The following ME3 variants were observed in gnomAD, a reference collection of about 807,000 sequenced individuals.
ME3 encodes malic enzyme 3.
ME3 carries 48 observed loss-of-function variants against 68.9 expected under a neutral mutation model. The ratio of observed to expected loss-of-function variants is 0.70; its 90% CI spans 0.55 to 0.89. The LOEUF (loss-of-function observed/expected upper bound fraction) is 0.89. ME3 is among the 40% of genes least tolerant of loss of function. ME3 has a pLI of 0.00. For missense variants in ME3, 675 were observed against 797.4 expected, an observed-to-expected ratio of 0.85 and a Z score of 1.85; for synonymous variants, 320 against 318.8, an observed-to-expected ratio of 1.00 and a Z score of -0.04.
chr11:86,583,732 GA>G lies in ME3; in HGVS notation c.184-23910del, dbSNP rs1456476078. ...AAATGAGATATGACAGATAAATAAA[GA>G]GTTAATTGTCTTCAACAATGGTATT... On this transcript the variant is annotated intron_variant, in intron 2 of 14. Transcript: ENST00000543262. Among the ~76,000 whole-genome samples, 4 of 152,238 alleles carry G rather than the reference GA, an allele frequency of 2.6e-5. No homozygotes were observed. In the East Asian group the frequency reaches 5.8e-4, roughly 22 times the overall value.
chr11:86,516,353 C>T (rs1176971906), intron 4 of ME3, among the ~76,000 whole-genome samples: 3 of 115,394 alleles, frequency 2.6e-5, no homozygotes, highest in Non-Finnish European at 2.0e-5. Context: ...TAAATAAAAT[C>T]TCTCTCTCTC....
intron 2 of ME3, among the ~76,000 whole-genome samples, chr11:86,644,697 C>T (rs1944887154): frequency 6.6e-6 from 1 of 152,126 alleles, no homozygotes; most frequent in African/African-American, 2.4e-5. Context: ...CTGTAGATTC[C>T]CTGTTATTCT....
intron 7 of ME3, among the ~76,000 whole-genome samples, chr11:86,469,755 C>A (rs1163869203): frequency 6.6e-6 from 1 of 152,184 alleles, no homozygotes. Context: ...ACCCTGGGGA[C>A]TCAGCTGGGA....
chr11:86,512,205 TA>T (rs1953580446), intron 4 of ME3, among the ~76,000 whole-genome samples: 1 of 152,248 alleles, frequency 6.6e-6, no homozygotes, highest in South Asian at 2.1e-4. Context: ...TCCTTCTGCC[TA>T]ATACGCATGC....
intron 7 of ME3, among the ~76,000 whole-genome samples, chr11:86,475,874 T>TATATATATATATATAGAGAGAGAGAG: frequency 7.7e-5 from 7 of 91,464 alleles, no homozygotes; most frequent in African/African-American, 3.0e-4. Context: ...TATATATATA[T>TATATATATATATATAGAGAGAGAGAG]AGAGAGAGAG....
chr11:86,560,025 T>C (rs189716801), intron 2 of ME3, among the ~76,000 whole-genome samples: 16 of 152,206 alleles, frequency 1.1e-4, no homozygotes, highest in Admixed American at 2.6e-4. Context: ...AGCTTCCTCA[T>C]TGGAAAAAAT....
chr11:86,658,359 G>C (rs923280770), intron 2 of ME3, among the ~76,000 whole-genome samples: 3 of 151,994 alleles, frequency 2.0e-5, no homozygotes, highest in African/African-American at 7.3e-5. Flanking sequence ...CTGAGGTCAA[G>C]TGATCCACCT....
chr11:86,498,233 T>C, intron 5 of ME3, 109 bp from the exon 6 acceptor site: 1 of 1,329,604 alleles, frequency 7.5e-7, no homozygotes, highest in Admixed American at 2.3e-5. Context: ...CCACTGACTT[T>C]GCCGGTGTGA....
In ME3 at chr11:86,446,061, T is replaced by G. The variant is rs551692178; in HGVS notation, c.1554+253A>C. Among the ~76,000 whole-genome samples the G allele has an allele frequency of 2.0e-5, 3 of 152,232 alleles. No homozygotes were observed. The East Asian group carries it at 5.8e-4, about 29-fold the overall frequency. ...GACGCAGGGGGCAGTATGAGGCATG[T>G]CTCCTCCTCTGTCAGTGCCTCTTGC... On this transcript the variant is annotated intron_variant, in intron 13 of 14. Transcript: ENST00000543262.
chr11:86,443,059 G>A, intron 13 of ME3, 140 bp from the exon 14 acceptor site: 1 of 617,734 alleles, frequency 1.6e-6, no homozygotes, highest in Non-Finnish European at 2.8e-6. Flanking sequence ...TCTGTTACCA[G>A]GGAAGCTTAA....
At chr11:86,523,474 G>C (rs1469685325) in intron 4 of ME3, among the ~76,000 whole-genome samples, 2 of 152,130 alleles carry the variant, frequency 1.3e-5, no homozygotes, top group African/African-American at 4.8e-5. Context: ...TATTAACACA[G>C]AGAAAAACTG....
chr11:86,490,370 G>A (rs565244568), intron 6 of ME3, among the ~76,000 whole-genome samples: 3 of 152,234 alleles, frequency 2.0e-5, no homozygotes, highest in South Asian at 2.1e-4. Flanking sequence ...GGGTGTGTGC[G>A]TGTGTGTGTC....
intron 4 of ME3, among the ~76,000 whole-genome samples, chr11:86,543,674 A>G (rs141658994): frequency 0.044 from 6,655 of 152,298 alleles, 149 homozygotes; most frequent in South Asian, 0.099. Context: ...ACAGACCTAC[A>G]AAGAGACTTA....
intron 4 of ME3, among the ~76,000 whole-genome samples, chr11:86,544,683 A>C (rs896933177): frequency 6.6e-6 from 1 of 152,162 alleles, no homozygotes; most frequent in Admixed American, 6.5e-5. Flanking sequence ...ACCAACCAAA[A>C]ACAGCCCAGG....
At chr11:86,597,847 A>G (rs533335564) in intron 2 of ME3, among the ~76,000 whole-genome samples, 12 of 152,200 alleles carry the variant, frequency 7.9e-5, no homozygotes, top group African/African-American at 2.6e-4. Context: ...TTTAAGATAC[A>G]TTAACCTTAA....
intron 7 of ME3, among the ~76,000 whole-genome samples, chr11:86,486,063 G>A (rs1426272579): frequency 6.6e-6 from 1 of 151,844 alleles, no homozygotes; most frequent in African/African-American, 2.4e-5. Context: ...AAGCAGATGG[G>A]ACTCCCCCTC....
At chr11:86,499,029 G>A (rs190664262) in intron 5 of ME3, among the ~76,000 whole-genome samples, 1 of 152,256 alleles carries the variant, frequency 6.6e-6, no homozygotes, top group Non-Finnish European at 1.5e-5. Flanking sequence ...CTGGACTGCA[G>A]CAGAATAGCA....
rs1363982525 is a variant in ME3 at position 86,645,415 on chromosome 11, T to TC, written c.183+26346_183+26347insG. 2.2e-4 allele frequency among the ~76,000 whole-genome samples: 34 copies of TC among 152,186 alleles called. No homozygotes were observed. In the South Asian group the frequency reaches 6.6e-3, roughly 30 times the overall value. Reference sequence around the variant, plus strand: ...CCATTTCTGATGCTTGAGTAGGCCGTTTTCCCCTCACAGTGTAAACAAAGC... The same window carrying TC: ...CCATTTCTGATGCTTGAGTAGGCCGTCTTTCCCCTCACAGTGTAAACAAAGC... On this transcript the variant is annotated intron_variant, in intron 2 of 14. Coordinates refer to ENST00000543262, the Ensembl canonical transcript of ME3.
intron 6 of ME3, among the ~76,000 whole-genome samples, chr11:86,495,053 T>G (rs1952235201): frequency 6.6e-6 from 1 of 152,208 alleles, no homozygotes; most frequent in Non-Finnish European, 1.5e-5. Context: ...ATAAAAATTC[T>G]AAAAATCAAG....
Sources: gnomAD v4.1 joint callset for allele counts (sites outside exome capture counted in the v4.1 genomes callset) on GRCh38, gnomAD v4.1.1 for gene constraint, MANE v1.5 for transcripts, NCBI Gene and HGNC (gene_info 2026-07-23, HGNC 2026-07-21) for gene names.